Variants in ADAM12 observed in about 807,000 individuals in gnomAD.
ADAM12 encodes the protein disintegrin and metalloproteinase domain-containing protein 12.
ADAM12 carries 70 observed loss-of-function variants against 106.4 expected under a neutral mutation model. The ratio of observed to expected loss-of-function variants is 0.66; its 90% CI spans 0.54 to 0.80. The LOEUF (loss-of-function observed/expected upper bound fraction) is 0.80, where lower values mean the gene tolerates loss of function less well. ADAM12 is among the 30% of genes least tolerant of loss of function. The pLI is 0.00. For missense variants in ADAM12, 1,010 were observed against 1,171.9 expected, an observed-to-expected ratio of 0.86 and a Z score of 2.02; for synonymous variants, 420 against 433.5, an observed-to-expected ratio of 0.97 and a Z score of 0.39.
rs115351644 is a variant in ADAM12 at position 126,087,998 on chromosome 10, T to C, written c.1145+5987A>G. Among the ~76,000 whole-genome samples, 1,404 of 152,344 alleles carry C rather than the reference T, an allele frequency of 9.2e-3. 31 individuals carry two copies. Among genetic ancestry groups the C allele is most frequent in the African/African-American group, 0.032 (1,314 of 41,574 alleles). ...AGACTGGACTCTATTCCAGGATATCTTTTCTGCCTGCTGCCTCTTCTAACC... is the reference window on the plus strand; with the variant it reads ...AGACTGGACTCTATTCCAGGATATCCTTTCTGCCTGCTGCCTCTTCTAACC... On this transcript the variant is annotated intron_variant, in intron 11 of 22. Coordinates refer to ENST00000448723, the MANE Select transcript of ADAM12 (RefSeq NM_001288973.2).
At chr10:126,162,452 G>T (rs1044138835) in intron 3 of ADAM12, among the ~76,000 whole-genome samples, 2 of 152,184 alleles carry the variant, frequency 1.3e-5, no homozygotes, top group African/African-American at 4.8e-5. Flanking sequence ...GAGGCAGGGA[G>T]ACCCGCTGCT....
chr10:126,230,513 C>T (rs1482965204), intron 3 of ADAM12, among the ~76,000 whole-genome samples: 1 of 152,188 alleles, frequency 6.6e-6, no homozygotes, highest in East Asian at 1.9e-4. Flanking sequence ...TTCCACTCTT[C>T]CAAACTGTGT....
intron 20 of ADAM12, among the ~76,000 whole-genome samples, chr10:126,037,786 T>C (rs1954085771): frequency 6.6e-6 from 1 of 152,144 alleles, no homozygotes. Flanking sequence ...AAATGGTCAA[T>C]TCTGAGAGCT....
At chr10:126,093,642 C>T (rs1955504823) in intron 11 of ADAM12, among the ~76,000 whole-genome samples, 1 of 152,206 alleles carries the variant, frequency 6.6e-6, no homozygotes, top group Non-Finnish European at 1.5e-5. Context: ...ATGGCTGGCT[C>T]CTGGGACTGC....
At chr10:126,337,528 C>T (rs1380264267) in intron 1 of ADAM12, among the ~76,000 whole-genome samples, 1 of 152,222 alleles carries the variant, frequency 6.6e-6, no homozygotes, top group Non-Finnish European at 1.5e-5. Flanking sequence ...CACCTTCCTC[C>T]ACCTGCTTTG....
intron 11 of ADAM12, among the ~76,000 whole-genome samples, chr10:126,086,122 T>C (rs1278358): frequency 0.7 from 106,810 of 151,978 alleles, 38,048 homozygotes; most frequent in East Asian, 0.82. Context: ...TTCTCTGCTG[T>C]TGGAACATAA....
chr10:126,382,121 G>A (rs1856514863), intron 1 of ADAM12, among the ~76,000 whole-genome samples: 1 of 152,176 alleles, frequency 6.6e-6, no homozygotes, highest in South Asian at 2.1e-4. Flanking sequence ...ATCAGAAGGT[G>A]GGATGGATAA....
chr10:126,357,088 C>G (rs1590820370), intron 1 of ADAM12, among the ~76,000 whole-genome samples: 3 of 152,146 alleles, frequency 2.0e-5, no homozygotes, highest in East Asian at 3.8e-4. Flanking sequence ...GGGAAAGATG[C>G]CAACATCCAG....
At chr10:126,226,696 G>A (rs1958203662) in intron 3 of ADAM12, among the ~76,000 whole-genome samples, 1 of 152,202 alleles carries the variant, frequency 6.6e-6, no homozygotes, top group Non-Finnish European at 1.5e-5. Flanking sequence ...TGTAGTAAGT[G>A]TTCAGTAATT....
intron 3 of ADAM12, among the ~76,000 whole-genome samples, chr10:126,183,544 G>T (rs754468537): frequency 4.4e-4 from 67 of 152,386 alleles, no homozygotes; most frequent in Non-Finnish European, 8.4e-4. Flanking sequence ...GCCATCTGGG[G>T]CAAGTGGTGA....
chr10:126,341,453 T>A (rs1473779795), intron 1 of ADAM12, among the ~76,000 whole-genome samples: 1 of 152,210 alleles, frequency 6.6e-6, no homozygotes, highest in Non-Finnish European at 1.5e-5. Context: ...GATGAGTGAT[T>A]GACTTTTAGC....
chr10:126,107,626 G>A (rs1010231118), intron 8 of ADAM12, among the ~76,000 whole-genome samples: 3 of 152,204 alleles, frequency 2.0e-5, no homozygotes, highest in East Asian at 3.9e-4. Flanking sequence ...GCCATGACCA[G>A]ATCCCTTCTC....
At chr10:126,207,015 T>C (rs952931149) in intron 3 of ADAM12, among the ~76,000 whole-genome samples, 2 of 152,204 alleles carry the variant, frequency 1.3e-5, no homozygotes, top group South Asian at 2.1e-4. Flanking sequence ...CCATGTGAGA[T>C]GTGCCTTTCA....
At chr10:126,048,317 G>C (rs1210775157) in intron 16 of ADAM12, among the ~76,000 whole-genome samples, 1 of 152,144 alleles carries the variant, frequency 6.6e-6, no homozygotes, top group Non-Finnish European at 1.5e-5. Flanking sequence ...TATGATTTGA[G>C]CCTAAAAATA....
chr10:126,025,666 A>C (rs552501766), intron 21 of ADAM12, among the ~76,000 whole-genome samples: 1 of 152,236 alleles, frequency 6.6e-6, no homozygotes, highest in South Asian at 2.1e-4. Context: ...GACCCACAAA[A>C]ATCTCATCCA....
intron 17 of ADAM12, among the ~76,000 whole-genome samples, 169 bp downstream of exon 17, chr10:126,045,886 A>C (rs1262422003): frequency 6.6e-6 from 1 of 152,270 alleles, no homozygotes; most frequent in Non-Finnish European, 1.5e-5. Flanking sequence ...GTTAAATAAA[A>C]GTCACATGAA....
intron 11 of ADAM12, among the ~76,000 whole-genome samples, chr10:126,085,018 T>C (rs934294422): frequency 2.8e-4 from 43 of 152,380 alleles, no homozygotes; most frequent in African/African-American, 9.9e-4. Flanking sequence ...CTACAAAGTC[T>C]TATGCTCACA....
At chr10:126,080,104 G>T (rs544678816) in intron 11 of ADAM12, among the ~76,000 whole-genome samples, 1 of 152,330 alleles carries the variant, frequency 6.6e-6, no homozygotes, top group Non-Finnish European at 1.5e-5. Flanking sequence ...GTTGTGAACA[G>T]AGTGATGTTT....
chr10:126,345,966 G>A (rs7899268), intron 1 of ADAM12, among the ~76,000 whole-genome samples: 2,176 of 152,116 alleles, frequency 0.014, 63 homozygotes, highest in African/African-American at 0.05. Context: ...CTTTCAAAAA[G>A]CCAGCTCCTG....
Sources: allele counts gnomAD v4.1 joint callset (sites outside exome capture counted in the v4.1 genomes callset), GRCh38; gene constraint gnomAD v4.1.1; transcripts MANE v1.5; gene names NCBI Gene and HGNC (gene_info 2026-07-23, HGNC 2026-07-21).